ECT2L: variants seen among roughly 807,000 people sequenced by gnomAD.
ECT2L encodes epithelial cell-transforming sequence 2 oncogene-like.
A neutral mutation model predicts 122.8 loss-of-function variants in ECT2L; 126 were observed. That is an observed-to-expected ratio of 1.03 (90% CI 0.89 to 1.19). ECT2L has a LOEUF of 1.19. ECT2L is among the 50% of genes most tolerant of loss of function. ECT2L has a pLI of 0.00. For synonymous variants in ECT2L, 385 were observed against 381.8 expected, an observed-to-expected ratio of 1.01 and a Z score of -0.10; for missense variants, 1,012 against 1,064.1, an observed-to-expected ratio of 0.95 and a Z score of 0.68.
intron 7 of ECT2L, among the ~76,000 whole-genome samples, chr6:138,845,630 C>T (rs12209290): frequency 2.0e-4 from 30 of 152,168 alleles, no homozygotes; most frequent in Non-Finnish European, 4.3e-4. Context: ...ATGACTTACC[C>T]ACATGTCAAA....
chr6:138,857,909 C>G (rs1399900257), intron 10 of ECT2L, among the ~76,000 whole-genome samples: 2 of 152,040 alleles, frequency 1.3e-5, no homozygotes, highest in African/African-American at 4.8e-5. Flanking sequence ...TCTGCAGGGC[C>G]GGGGAAGCAA....
Position 138,885,389 on chromosome 6 carries a change from T to C in ECT2L, c.2029-117T>C. On this transcript the variant is annotated intron_variant, in intron 16 of 21. Transcript: ENST00000541398. ...GCACTACTAACAGTCTACTAATTGG[T>C]TAGACATAGATGTTGCCCTTTTGCT... The C allele has an allele frequency of 3.3e-6, 3 of 911,280 alleles. No homozygotes were observed. In the South Asian group the frequency reaches 4.6e-5, roughly 14 times the overall value. The allele number at this position is 911,280 out of a possible 1,614,324, so 56.4% of individuals were successfully genotyped here.
At position 138,860,185 on chromosome 6, in the gene ECT2L, C is replaced by T. The variant is rs148496966; in HGVS notation, c.1199-2442C>T. 1.4e-4 allele frequency among the ~76,000 whole-genome samples: 22 copies of T among 152,256 alleles called. No homozygotes were observed. The East Asian group carries it at 4.2e-3, about 29-fold the overall frequency. ...TATCAAATGCTCTTGTATAGATCATCTTTGGCATCATATCTAAAAACGATT... is the reference window on the plus strand; with the variant it reads ...TATCAAATGCTCTTGTATAGATCATTTTTGGCATCATATCTAAAAACGATT... On this transcript the variant is annotated intron_variant, in intron 10 of 21. Transcript: ENST00000541398.
chr6:138,882,825 C>A lies in ECT2L; in HGVS notation c.1982C>A (p.Thr661Asn), dbSNP rs776457446. 1.2e-6 allele frequency: 2 copies of A among 1,614,142 alleles called. No individual in the cohort carries two copies. The highest frequency in any genetic ancestry group is 1.7e-6 in the Non-Finnish European group (2 of 1,180,022). The change falls in exon 16 of 22, where the codon ACC becomes AAC. Residue 661 changes from threonine to asparagine, a missense_variant. Transcript: ENST00000541398. ...TKFGSQLNTY[T>N]NFFNNYPVIL... ...TTTGGAAGCCAGTTAAACACATATA[C>A]CAATTTCTTCAACAATTACCCTGTC... is the stretch of plus-strand genomic sequence containing the variant.
At chr6:138,883,014 G>A in intron 16 of ECT2L, 143 bp downstream of exon 16, 1 of 901,270 alleles carries the variant, frequency 1.1e-6, no homozygotes, top group Non-Finnish European at 1.6e-6. Flanking sequence ...GATCTCTGAG[G>A]ACAGGAACCC....
At chr6:138,844,734 A>G (rs1270120455) in intron 7 of ECT2L, among the ~76,000 whole-genome samples, 154 bp downstream of exon 7, 1 of 152,076 alleles carries the variant, frequency 6.6e-6, no homozygotes, top group Non-Finnish European at 1.5e-5. Flanking sequence ...CTAGAACAGT[A>G]GTCAAACATG....
In ECT2L at chr6:138,893,262, C is replaced by G. The variant is rs1285766532; in HGVS notation, c.2414+4231C>G. On this transcript the variant is annotated intron_variant, in intron 20 of 21. Transcript: ENST00000541398. Reference sequence around the variant, plus strand: ...GTGGCTGGAGTTGGGTATTTCCCTTCTCCCAGGTTGATTAGGCACTGGTAA... The same window carrying G: ...GTGGCTGGAGTTGGGTATTTCCCTTGTCCCAGGTTGATTAGGCACTGGTAA... Among the ~76,000 whole-genome samples, 4 of 148,902 alleles carry G rather than the reference C, an allele frequency of 2.7e-5. No homozygotes were observed. In the Admixed American group the frequency reaches 2.7e-4, roughly 10 times the overall value.
chr6:138,809,000 T>C (rs190254794), intron 1 of ECT2L, among the ~76,000 whole-genome samples: 251 of 152,342 alleles, frequency 1.6e-3, no homozygotes, highest in African/African-American at 5.5e-3. Context: ...GTGTTGGGAT[T>C]ACAGGCGTGA....
chr6:138,890,888 C>A (rs186895481), intron 20 of ECT2L, among the ~76,000 whole-genome samples: 1 of 152,228 alleles, frequency 6.6e-6, no homozygotes, highest in African/African-American at 2.4e-5. Context: ...ATTCCACACT[C>A]TTCTTACTTA....
intron 11 of ECT2L, among the ~76,000 whole-genome samples, chr6:138,864,217 G>A (rs1384853199): frequency 6.6e-6 from 1 of 151,936 alleles, no homozygotes; most frequent in Non-Finnish European, 1.5e-5. Context: ...AGCTACTCAG[G>A]AGGCTGAGGC....
chr6:138,819,055 C>T (rs1409888618), intron 4 of ECT2L, among the ~76,000 whole-genome samples: 2 of 152,160 alleles, frequency 1.3e-5, no homozygotes, highest in African/African-American at 2.4e-5. Flanking sequence ...GTATCTAAAA[C>T]GACTGTTTTC....
intron 15 of ECT2L, among the ~76,000 whole-genome samples, chr6:138,881,855 A>C (rs994935871): frequency 8.6e-5 from 13 of 151,942 alleles, no homozygotes; most frequent in Admixed American, 4.6e-4. Context: ...ACCCCCACTC[A>C]CCTCCTGCTA....
At position 138,895,913 on chromosome 6, in the gene ECT2L, A is replaced by T. The variant is rs376330157; in HGVS notation, c.2415-5035A>T. On this transcript the variant is annotated intron_variant, in intron 20 of 21. Coordinates refer to ENST00000541398, the MANE Select transcript of ECT2L (RefSeq NM_001077706.3). ...CGAGTAAGTGTTTGCATCCTAAATG[A>T]AATTTAAAATAGAGATGAAGTCACA... Among the ~76,000 whole-genome samples the T allele has an allele frequency of 2.0e-5, 3 of 152,226 alleles. 1 individual carries two copies.
intron 4 of ECT2L, among the ~76,000 whole-genome samples, chr6:138,837,160 CAT>C (rs1776869667): frequency 6.6e-6 from 1 of 152,164 alleles, no homozygotes; most frequent in Admixed American, 6.5e-5. Flanking sequence ...TATTTTAAAA[CAT>C]GAGATTTTAG....
intron 8 of ECT2L, among the ~76,000 whole-genome samples, chr6:138,847,537 ATTTTTTTTT>A (rs777070599): frequency 4.8e-5 from 6 of 123,832 alleles, no homozygotes; most frequent in Non-Finnish European, 1.0e-4. Flanking sequence ...TGCCCGGCTA[ATTTTTTTTT>A]TTTTTTTTTT....
rs116595351 is a variant in ECT2L at position 138,849,323 on chromosome 6, G to A, written c.958G>A (p.Val320Ile). The A allele has an allele frequency of 7.1e-4, 1,151 of 1,614,014 alleles. 4 individuals are homozygous for A. The African/African-American group carries it at 0.012, about 17-fold the overall frequency. ...GVVSVVYEHS[V>I]TLESLLYLIE... is the part of the protein sequence containing the mutation. ...TGTTTCTGTGGTATATGAACACAGC[G>A]TAACCTTGGAAAGCCTTCTGTATCT... The change falls in exon 9 of 22, where the codon GTA becomes ATA. Residue 320 changes from valine (V) to isoleucine (I), a missense_variant. Physicochemically the swap from Val to Ile is conservative, Grantham distance 29. Coordinates refer to ENST00000541398, the MANE Select transcript of ECT2L (RefSeq NM_001077706.3).
At chr6:138,860,710 T>C (rs925014481) in intron 10 of ECT2L, among the ~76,000 whole-genome samples, 8 of 83,352 alleles carry the variant, frequency 9.6e-5, no homozygotes, top group Admixed American at 1.7e-4. Flanking sequence ...AGGGGCTATT[T>C]TTTTTTTTTT....
Position 138,889,059 on chromosome 6 carries a change from TG to T in ECT2L, c.2414+29del, listed in dbSNP as rs751917517. The stretch of plus-strand genomic sequence containing the variant: ...AAACAATAGTTAACTATCCTAAGGC[TG>T]TGGACACCTTCCAAGCAGGTGACTG... On this transcript the variant is annotated intron_variant, in intron 20 of 21. Transcript: ENST00000541398. 3 of 1,295,480 alleles carry T rather than the reference TG, an allele frequency of 2.3e-6. No individual in the cohort carries two copies. In the East Asian group the frequency reaches 7.5e-5, roughly 32 times the overall value. 80.2% of individuals were successfully genotyped at this position (1,295,480 alleles called of 1,614,324 possible).
rs1319560245 is a variant in ECT2L, at chr6:138,886,898, A to T, written c.2301A>T (p.Ile767=). 6.2e-7 allele frequency: 1 copy of T among 1,613,570 alleles called. No homozygotes were observed. Among genetic ancestry groups the T allele is most frequent in the East Asian group, 2.2e-5 (1 of 44,870 alleles). Residue 767 remains isoleucine (I), a synonymous_variant, in exon 19 of 22, where the codon ATA becomes ATT. Transcript: ENST00000541398. ...CTATGAAGGATCATCTGTCAGATAT[A>T]CAGAGAATCATCTGGGGATGCCCTG... The part of the protein sequence containing the change: ...NITMKDHLSD[I]QRIIWGCPTL...
Sources: gnomAD v4.1 joint callset for allele counts (sites outside exome capture counted in the v4.1 genomes callset) on GRCh38, gnomAD v4.1.1 for gene constraint, MANE v1.5 for transcripts, NCBI Gene and HGNC (gene_info 2026-07-23, HGNC 2026-07-21) for gene names.